The following BICD1 variants were observed in gnomAD, a reference collection of about 807,000 sequenced individuals.
BICD1 encodes protein bicaudal D homolog 1.
Under a neutral mutation model 92.5 loss-of-function variants are expected in BICD1, and 35 were observed. The ratio of observed to expected loss-of-function variants is 0.38; its 90% CI spans 0.29 to 0.50. BICD1 has a LOEUF of 0.50. Ranked by LOEUF, BICD1 falls within the 20% of genes least tolerant of loss-of-function variation. The pLI, the probability that BICD1 is intolerant of heterozygous loss-of-function variation, is 0.93. For missense variants in BICD1, 950 were observed against 1,189.8 expected, an observed-to-expected ratio of 0.80 and a Z score of 2.97; for synonymous variants, 429 against 465.1, an observed-to-expected ratio of 0.92 and a Z score of 1.00.
intron 2 of BICD1, among the ~76,000 whole-genome samples, chr12:32,284,514 C>T (rs532534947): frequency 7.9e-5 from 12 of 152,276 alleles, no homozygotes; most frequent in Non-Finnish European, 1.5e-4. Flanking sequence ...AGATGTTCCC[C>T]GATCTGTCCC....
intron 2 of BICD1, among the ~76,000 whole-genome samples, chr12:32,265,932 T>C (rs962899223): frequency 2.6e-5 from 4 of 152,212 alleles, no homozygotes; most frequent in Non-Finnish European, 5.9e-5. Flanking sequence ...TACACATCTG[T>C]CTCACGGCTT....
chr12:32,115,108 C>T (rs1354707616), intron 1 of BICD1, among the ~76,000 whole-genome samples: 1 of 152,044 alleles, frequency 6.6e-6, no homozygotes, highest in Non-Finnish European at 1.5e-5. Context: ...TCTCCCTCCT[C>T]AGCCTCCCAA....
At chr12:32,142,830 T>G (rs1487274668) in intron 1 of BICD1, among the ~76,000 whole-genome samples, 5 of 152,240 alleles carry the variant, frequency 3.3e-5, no homozygotes, top group Non-Finnish European at 5.9e-5. Context: ...TGGAGCCATC[T>G]CTTGTGGACT....
At chr12:32,298,785 G>A (rs937310985) in intron 3 of BICD1, among the ~76,000 whole-genome samples, 5 of 147,332 alleles carry the variant, frequency 3.4e-5, no homozygotes, top group African/African-American at 7.7e-5. Context: ...CAGGAGAATC[G>A]CTTGAACCTG....
intron 2 of BICD1, among the ~76,000 whole-genome samples, chr12:32,251,384 C>T (rs566965043): frequency 2.4e-4 from 37 of 152,256 alleles, no homozygotes; most frequent in Middle Eastern, 3.4e-3. Context: ...TAAAGCAACA[C>T]GAATCCATCT....
intron 4 of BICD1, among the ~76,000 whole-genome samples, chr12:32,316,549 C>CT (rs112251386): frequency 0.078 from 11,801 of 152,092 alleles, 510 homozygotes; most frequent in Middle Eastern, 0.13. Flanking sequence ...AATCCACCCG[C>CT]CTCAGCCTCC....
At chr12:32,335,046 G>A (rs1159704191) in intron 6 of BICD1, among the ~76,000 whole-genome samples, 1 of 152,148 alleles carries the variant, frequency 6.6e-6, no homozygotes, top group East Asian at 1.9e-4. Flanking sequence ...ATAGAGTTCT[G>A]TGAAGGAAGT....
chr12:32,327,492 A>G lies in BICD1; in HGVS notation c.1037A>G (p.Asn346Ser). The change falls in exon 5 of 10, where the codon AAC becomes AGC. Residue 346 changes from asparagine (N) to serine (S), a missense_variant. This residue lies in a region of BICD1 where 246 missense variants were observed against 258.4 expected (regional missense o/e 0.95). Coordinates refer to ENST00000652176, the MANE Select transcript of BICD1 (RefSeq NM_001714.4). Reference sequence around the variant, plus strand: ...CGGGAAAAGGCCATTCTTTTGGCCAACCTACAGGAGTCACAGACACAGCTG... The same window carrying G: ...CGGGAAAAGGCCATTCTTTTGGCCAGCCTACAGGAGTCACAGACACAGCTG... ...VEREKAILLANLQESQTQLEH... is the reference protein window; with the variant it reads ...VEREKAILLASLQESQTQLEH... 1.2e-6 allele frequency: 2 copies of G among 1,609,860 alleles called. No homozygotes were observed. Among genetic ancestry groups the G allele is most frequent in the East Asian group, 2.2e-5 (1 of 44,782 alleles).
At position 32,206,875 on chromosome 12, in the gene BICD1, A is replaced by G. The variant is rs375141051; in HGVS notation, c.214-9372A>G. On this transcript the variant is annotated intron_variant, in intron 1 of 9. Coordinates refer to ENST00000652176, the MANE Select transcript of BICD1 (RefSeq NM_001714.4). Reference sequence around the variant, plus strand: ...GCTGCAGCTACATTAATCAGAATGAATAAACGGAATTTAAAGTTGAGTTCC... The same window carrying G: ...GCTGCAGCTACATTAATCAGAATGAGTAAACGGAATTTAAAGTTGAGTTCC... Among the ~76,000 whole-genome samples the G allele has an allele frequency of 6.6e-5, 10 of 152,352 alleles. No homozygotes were observed. In the East Asian group the frequency reaches 1.9e-3, roughly 29 times the overall value.
At chr12:32,220,555 C>T (rs1268356812) in intron 2 of BICD1, among the ~76,000 whole-genome samples, 7 of 151,232 alleles carry the variant, frequency 4.6e-5, no homozygotes, top group Non-Finnish European at 8.9e-5. Context: ...TACCATCTCA[C>T]ACCAATTAGA....
intron 2 of BICD1, among the ~76,000 whole-genome samples, chr12:32,238,985 G>T (rs922975003): frequency 2.7e-4 from 40 of 147,494 alleles, no homozygotes; most frequent in East Asian, 2.7e-3. Context: ...AGTGGCTCAC[G>T]CCTGTAATCC....
chr12:32,205,996 A>G (rs1047397837), intron 1 of BICD1, among the ~76,000 whole-genome samples: 47 of 152,064 alleles, frequency 3.1e-4, no homozygotes, highest in African/African-American at 1.1e-3. Flanking sequence ...TACTTAGCAT[A>G]ATGTTTTGCA....
chr12:32,206,605 C>CA lies in BICD1; in HGVS notation c.214-9634dup, dbSNP rs920430657. ...TGGGAGACAGAGCAAGACTCCTTCT[C>CA]AAAAAAAAGAAAGAAGGAAAGAAAA... On this transcript the variant is annotated intron_variant, in intron 1 of 9. Coordinates refer to ENST00000652176, the MANE Select transcript of BICD1 (RefSeq NM_001714.4). Among the ~76,000 whole-genome samples the CA allele has an allele frequency of 4.6e-5, 7 of 151,592 alleles. No homozygotes were observed. In the East Asian group the frequency reaches 1.4e-3, roughly 29 times the overall value.
At chr12:32,162,915 G>A (rs922220828) in intron 1 of BICD1, among the ~76,000 whole-genome samples, 4 of 152,160 alleles carry the variant, frequency 2.6e-5, no homozygotes, top group Non-Finnish European at 4.4e-5. Flanking sequence ...GAGTTTGGGA[G>A]GTGGAGGCTG....
chr12:32,300,289 G>A (rs1361328042), intron 3 of BICD1, among the ~76,000 whole-genome samples: 2 of 151,888 alleles, frequency 1.3e-5, no homozygotes, highest in African/African-American at 4.8e-5. Context: ...TTTTTTAGTA[G>A]AGACGGTGTT....
At chr12:32,289,170 G>A (rs1387432875) in intron 2 of BICD1, among the ~76,000 whole-genome samples, 5 of 152,192 alleles carry the variant, frequency 3.3e-5, no homozygotes, top group Middle Eastern at 3.2e-3. Flanking sequence ...GGTAGGGCCA[G>A]ATCATGTGAC....
chr12:32,278,580 G>A (rs1006844415), intron 2 of BICD1, among the ~76,000 whole-genome samples: 4 of 152,220 alleles, frequency 2.6e-5, no homozygotes, highest in East Asian at 1.9e-4. Flanking sequence ...CAGCCCGGGC[G>A]AGGTGGCTCA....
intron 1 of BICD1, among the ~76,000 whole-genome samples, chr12:32,139,558 G>GT (rs1156722883): frequency 2.0e-5 from 3 of 152,116 alleles, no homozygotes; most frequent in South Asian, 2.1e-4. Flanking sequence ...GGCACAAAGG[G>GT]TTTTTTTGTT....
intron 2 of BICD1, among the ~76,000 whole-genome samples, chr12:32,231,795 A>T (rs368841625): frequency 7.5e-5 from 10 of 133,794 alleles, no homozygotes; most frequent in African/African-American, 2.6e-4. Context: ...TGTCCATGTG[A>T]TCTCATTGTT....
Sources: allele counts gnomAD v4.1 joint callset (sites outside exome capture counted in the v4.1 genomes callset), GRCh38; gene constraint gnomAD v4.1.1; regional missense constraint gnomAD v4.1.1; transcripts MANE v1.5; gene names NCBI Gene and HGNC (gene_info 2026-07-23, HGNC 2026-07-21).